Variants in PTPRS observed in about 807,000 individuals in gnomAD.
The protein encoded by PTPRS is protein tyrosine phosphatase receptor type S.
In PTPRS, 63 loss-of-function variants were observed where a neutral mutation model predicts 215.3. The ratio of observed to expected loss-of-function variants is 0.29; its 90% confidence interval spans 0.24 to 0.36. The LOEUF is 0.36. Among genes scored for constraint, PTPRS ranks in the 10% least tolerant of loss-of-function variants. PTPRS has a pLI of 1.00. For synonymous variants in PTPRS, 1,404 were observed against 1,191.4 expected (o/e 1.18, Z -3.68); for missense variants, 2,258 against 2,825.8 (o/e 0.80, Z 4.56).
chr19:5,239,142 G>A, intron 12 of PTPRS, 79 bp from the exon 13 acceptor site: 1 of 950,806 alleles, frequency 1.1e-6, no homozygotes, highest in Non-Finnish European at 1.6e-6. Context: ...GAGAGAGAGA[G>A]ACAGAAACAG....
Position 5,237,150 on chromosome 19 carries a change from C to T in PTPRS, c.1849+1769G>A, listed in dbSNP as rs541242338. 3.9e-5 allele frequency among the ~76,000 whole-genome samples: 6 copies of T among 152,286 alleles called. No homozygotes were observed. In the South Asian group the frequency reaches 6.2e-4, roughly 16 times the overall value. ...GTGGGTCTCAGGATGCCAGTGGCCC[C>T]GCAGCCCTGCTCCAGCCCCCAGCGT... On this transcript the variant is annotated intron_variant, in intron 13 of 37. Transcript: ENST00000262963. This position sits in a 1 kb window ranked among gnomAD's most constrained non-coding sequence, Gnocchi z 4.2.
At chr19:5,289,107 C>T (rs929860245) in intron 1 of PTPRS, among the ~76,000 whole-genome samples, 3 of 152,110 alleles carry the variant, frequency 2.0e-5, no homozygotes, top group South Asian at 2.1e-4. Flanking sequence ...CAAAACATCC[C>T]GGGGTCCCTT....
intron 1 of PTPRS, among the ~76,000 whole-genome samples, chr19:5,297,030 G>A (rs995974935): frequency 2.0e-5 from 3 of 152,058 alleles, no homozygotes; most frequent in Non-Finnish European, 4.4e-5. Context: ...GATGACTTCT[G>A]GGTTTTTGGC....
intron 1 of PTPRS, among the ~76,000 whole-genome samples, chr19:5,333,284 A>G (rs924836707): frequency 4.6e-5 from 7 of 151,608 alleles, no homozygotes; most frequent in African/African-American, 1.7e-4. Flanking sequence ...CAGCCTGAGC[A>G]ATATGGTGAA....
chr19:5,329,716 G>A (rs2050264125), intron 1 of PTPRS, among the ~76,000 whole-genome samples: 1 of 150,676 alleles, frequency 6.6e-6, no homozygotes, highest in Non-Finnish European at 1.5e-5. Context: ...AGTGAGCTGA[G>A]ATCATGCCAC....
intron 1 of PTPRS, among the ~76,000 whole-genome samples, chr19:5,317,097 C>T (rs912500637): frequency 3.3e-5 from 5 of 152,152 alleles, no homozygotes; most frequent in Non-Finnish European, 7.3e-5. Context: ...CATGGCGGGA[C>T]ATTAGGAAGA....
At chr19:5,248,068 G>A (rs2044663287) in intron 9 of PTPRS, among the ~76,000 whole-genome samples, 1 of 148,350 alleles carries the variant, frequency 6.7e-6, no homozygotes, top group Non-Finnish European at 1.5e-5. Context: ...GTAGGGCTGG[G>A]TGGAGGGTGG....
intron 2 of PTPRS, 21 bp from the exon 3 acceptor site, chr19:5,274,365 A>C: frequency 6.8e-7 from 1 of 1,478,296 alleles, no homozygotes; most frequent in Non-Finnish European, 9.2e-7. Context: ...AGTGGAAAGA[A>C]GGGGGGGCGC....
At chr19:5,216,849 G>T in intron 25 of PTPRS, 82 bp from the exon 26 acceptor site, 1 of 922,300 alleles carries the variant, frequency 1.1e-6, no homozygotes, top group Non-Finnish European at 1.7e-6. Context: ...ACCCCTCACT[G>T]GCTGGCGGAT....
intron 2 of PTPRS, among the ~76,000 whole-genome samples, chr19:5,285,560 C>A (rs1474588211): frequency 6.6e-6 from 1 of 152,240 alleles, no homozygotes; most frequent in Non-Finnish European, 1.5e-5. Flanking sequence ...CCTGGCTCCA[C>A]CTGAGACAGT....
At position 5,244,242 on chromosome 19, in the gene PTPRS, T is replaced by A. The variant is rs760175569; in HGVS notation, c.1229A>T (p.Gln410Leu). The A allele has an allele frequency of 1.2e-6, 2 of 1,613,024 alleles. No homozygotes were observed. Among genetic ancestry groups the A allele is most frequent in the East Asian group, 4.5e-5 (2 of 44,862 alleles). Residue 410 changes from glutamine (Q) to leucine (L), a missense_variant, in exon 11 of 38, where the codon CAG becomes CTG. Gln to Leu is a moderately radical substitution (Grantham distance 113). This residue lies in a region of PTPRS where 508 missense variants were observed against 799.4 expected (regional missense o/e 0.64). Transcript: ENST00000262963. This position sits in a 1 kb window ranked among gnomAD's most constrained non-coding sequence, Gnocchi z 7.2. ...IWVSAVNSIG[Q>L]GPPSESVVTR... ...GACCACGGACTCGCTGGGGGGCCCC[T>A]GGCCGATGGAGTTGACGGCCGACAC... is the stretch of plus-strand genomic sequence containing the variant.
At chr19:5,327,979 T>C (rs548452538) in intron 1 of PTPRS, among the ~76,000 whole-genome samples, 1 of 152,278 alleles carries the variant, frequency 6.6e-6, no homozygotes, top group East Asian at 1.9e-4. Context: ...GCCTCTCACC[T>C]TCTCCTCAGG....
intron 9 of PTPRS, among the ~76,000 whole-genome samples, chr19:5,247,071 G>A (rs994139694): frequency 6.6e-6 from 1 of 151,354 alleles, no homozygotes; most frequent in Non-Finnish European, 1.5e-5. Context: ...AGCGGGAGGG[G>A]CAGAGAAAGA....
chr19:5,255,671 C>T (rs780679818), intron 9 of PTPRS, among the ~76,000 whole-genome samples: 9 of 152,032 alleles, frequency 5.9e-5, no homozygotes, highest in South Asian at 2.1e-4. Flanking sequence ...CAACAGAAGG[C>T]GTTGGGAATT....
At chr19:5,252,708 T>TA (rs1297892264) in intron 9 of PTPRS, among the ~76,000 whole-genome samples, 2 of 150,544 alleles carry the variant, frequency 1.3e-5, no homozygotes, top group Non-Finnish European at 3.0e-5. Flanking sequence ...ACCCTGTCTC[T>TA]AATAAAAATA....
chr19:5,218,105 C>T (rs546294639), intron 25 of PTPRS, among the ~76,000 whole-genome samples: 6 of 151,850 alleles, frequency 4.0e-5, no homozygotes, highest in Non-Finnish European at 7.4e-5. Context: ...CTCTTTCTGC[C>T]CAAAGAAATG....
At chr19:5,218,716 G>A (rs368718023) in intron 24 of PTPRS, 71 bp downstream of exon 24, 8 of 1,580,478 alleles carry the variant, frequency 5.1e-6, no homozygotes, top group East Asian at 4.5e-5. Context: ...TCTCCTGTGG[G>A]CACACTATCA....
intron 30 of PTPRS, among the ~76,000 whole-genome samples, 178 bp from the exon 31 acceptor site, chr19:5,212,669 C>T (rs8104029): frequency 0.34 from 52,410 of 151,930 alleles, 9,251 homozygotes; most frequent in African/African-American, 0.39. Context: ...CATGGAGAAA[C>T]CTCGTCTCAA....
intron 2 of PTPRS, among the ~76,000 whole-genome samples, chr19:5,274,557 C>T (rs1376802364): frequency 6.6e-6 from 1 of 152,154 alleles, no homozygotes; most frequent in Non-Finnish European, 1.5e-5. Context: ...CCCACATATC[C>T]CCACTTCCAC....
Sources: allele counts gnomAD v4.1 joint callset (sites outside exome capture counted in the v4.1 genomes callset), GRCh38; gene constraint gnomAD v4.1.1; regional missense constraint gnomAD v4.1.1; non-coding constraint Gnocchi (gnomAD v3.1); transcripts MANE v1.5; gene names NCBI Gene and HGNC (gene_info 2026-07-23, HGNC 2026-07-21).